The following MAGI3 variants were observed in gnomAD, a reference collection of about 807,000 sequenced individuals.
MAGI3 encodes membrane-associated guanylate kinase, WW and PDZ domain-containing protein 3.
Under a neutral mutation model 121.8 loss-of-function variants are expected in MAGI3, and 43 were observed. The observed-to-expected ratio is 0.35, with a 90% confidence interval of 0.28 to 0.46. The LOEUF is 0.46. Among genes scored for constraint, MAGI3 ranks in the 20% least tolerant of loss-of-function variants. The probability of loss-of-function intolerance (pLI) is 1.00; values close to 1 mark genes in which losing one functional copy is unlikely to be tolerated. For synonymous variants in MAGI3, 553 were observed against 639.3 expected, an observed-to-expected ratio of 0.86 and a Z score of 2.04; for missense variants, 1,547 against 1,797.3, an observed-to-expected ratio of 0.86 and a Z score of 2.52.
intron 1 of MAGI3, among the ~76,000 whole-genome samples, chr1:113,533,214 A>C (rs1658808264): frequency 6.6e-6 from 1 of 152,246 alleles, no homozygotes; most frequent in South Asian, 2.1e-4. Flanking sequence ...AAAAAATAAA[A>C]GAAAATGTGG....
At chr1:113,443,308 A>G (rs555761923) in intron 1 of MAGI3, among the ~76,000 whole-genome samples, 2 of 152,310 alleles carry the variant, frequency 1.3e-5, no homozygotes, top group East Asian at 3.9e-4. Context: ...AATGCACAGA[A>G]TATAGTAATG....
chr1:113,441,829 A>G (rs1405204966), intron 1 of MAGI3, among the ~76,000 whole-genome samples: 4 of 152,290 alleles, frequency 2.6e-5, no homozygotes, highest in South Asian at 4.1e-4. Context: ...GTTCTTTCCT[A>G]TGAGTACTTC....
Position 113,683,549 on chromosome 1 carries a change from C to G in MAGI3, c.3981C>G (p.Ile1327Met). The G allele has an allele frequency of 6.2e-7, 1 of 1,613,738 alleles. No homozygotes were observed. The highest frequency in any genetic ancestry group is 8.5e-7 in the Non-Finnish European group (1 of 1,179,860). ...AGYTGSNAEQ[I>M]PDGKEKSDVI... is the part of the protein sequence containing the mutation. Reference sequence around the variant, plus strand: ...ATACGGGCAGTAATGCTGAGCAGATCCCAGATGGGAAGGAAAAATCAGACG... The same window carrying G: ...ATACGGGCAGTAATGCTGAGCAGATGCCAGATGGGAAGGAAAAATCAGACG... The change falls in exon 21 of 21, where the codon ATC becomes ATG. Residue 1327 changes from isoleucine to methionine, a missense_variant. By Grantham distance (10) the Ile-to-Met change is conservative. Transcript: ENST00000307546.
At chr1:113,595,878 A>G (rs907644241) in intron 6 of MAGI3, among the ~76,000 whole-genome samples, 6 of 152,124 alleles carry the variant, frequency 3.9e-5, no homozygotes, top group African/African-American at 1.2e-4. Context: ...TAAAAGTACA[A>G]AAACTCACTG....
At chr1:113,512,515 T>C (rs562887348) in intron 1 of MAGI3, among the ~76,000 whole-genome samples, 1 of 152,356 alleles carries the variant, frequency 6.6e-6, no homozygotes, top group African/African-American at 2.4e-5. Context: ...AATAAAAATA[T>C]GTTTTTGGGC....
At chr1:113,536,628 CTT>C (rs766559948) in intron 1 of MAGI3, among the ~76,000 whole-genome samples, 1 of 145,744 alleles carries the variant, frequency 6.9e-6, no homozygotes. Flanking sequence ...TTACTTTTTT[CTT>C]TTTTTTTTTA....
chr1:113,578,113 T>C (rs906401396), intron 2 of MAGI3, among the ~76,000 whole-genome samples: 12 of 152,192 alleles, frequency 7.9e-5, no homozygotes, highest in African/African-American at 2.9e-4. Context: ...GCCTCATTCA[T>C]GTGTCTGGGG....
intron 2 of MAGI3, among the ~76,000 whole-genome samples, chr1:113,563,014 T>C (rs1660301235): frequency 6.6e-6 from 1 of 152,146 alleles, no homozygotes; most frequent in South Asian, 2.1e-4. Context: ...GATAAAAATA[T>C]TAAAAGAAAA....
chr1:113,611,587 T>A (rs1054424330), intron 6 of MAGI3, among the ~76,000 whole-genome samples: 1 of 152,198 alleles, frequency 6.6e-6, no homozygotes, highest in African/African-American at 2.4e-5. Context: ...TCACAAGTTC[T>A]TATGCAGTCT....
intron 1 of MAGI3, among the ~76,000 whole-genome samples, chr1:113,504,687 A>G (rs553085183): frequency 1.3e-5 from 2 of 152,110 alleles, no homozygotes; most frequent in Non-Finnish European, 2.9e-5. Flanking sequence ...CACATACTCT[A>G]TGCTCCAGTA....
Position 113,420,919 on chromosome 1 carries a change from A to C in MAGI3, c.316+29570A>C, listed in dbSNP as rs546806566. ...AGTGAATATTGCATTGGGAGAGCTG[A>C]AAAAGTTTATGTACTTTCAGACATC... On this transcript the variant is annotated intron_variant, in intron 1 of 20. Coordinates refer to ENST00000307546, the MANE Select transcript of MAGI3 (RefSeq NM_001142782.2). Among the ~76,000 whole-genome samples, 7 of 152,316 alleles carry C rather than the reference A, an allele frequency of 4.6e-5. No individual in the cohort carries two copies. The South Asian group carries it at 1.5e-3, about 32-fold the overall frequency.
chr1:113,585,137 T>C (rs1334259980), intron 3 of MAGI3, among the ~76,000 whole-genome samples: 1 of 151,840 alleles, frequency 6.6e-6, no homozygotes, highest in African/African-American at 2.4e-5. Context: ...CCTGGCTAAT[T>C]TTTGTGTTTT....
chr1:113,482,626 T>C (rs913924460), intron 1 of MAGI3, among the ~76,000 whole-genome samples: 1 of 147,798 alleles, frequency 6.8e-6, no homozygotes, highest in Admixed American at 6.8e-5. Context: ...TGTGAGCCAC[T>C]GCACCAGACC....
At chr1:113,589,241 T>G (rs1214712999) in intron 4 of MAGI3, among the ~76,000 whole-genome samples, 1 of 152,060 alleles carries the variant, frequency 6.6e-6, no homozygotes, top group African/African-American at 2.4e-5. Flanking sequence ...GTGGATGGTT[T>G]AAGGAGAAAG....
At chr1:113,603,782 AAAAT>A (rs919433621) in intron 6 of MAGI3, among the ~76,000 whole-genome samples, 6 of 152,216 alleles carry the variant, frequency 3.9e-5, no homozygotes, top group Non-Finnish European at 8.8e-5. Flanking sequence ...ACAAGTCAGA[AAAAT>A]AAATAAATAA....
intron 3 of MAGI3, among the ~76,000 whole-genome samples, chr1:113,584,839 T>C (rs1341951206): frequency 6.6e-6 from 1 of 152,132 alleles, no homozygotes; most frequent in Non-Finnish European, 1.5e-5. Flanking sequence ...CAAATAGTAT[T>C]AAGATATTAG....
intron 9 of MAGI3, among the ~76,000 whole-genome samples, chr1:113,631,673 T>C (rs1651643779): frequency 6.6e-6 from 1 of 152,196 alleles, no homozygotes; most frequent in Non-Finnish European, 1.5e-5. Context: ...AAAGGTCCTG[T>C]GTGGTGTTTA....
In MAGI3 at chr1:113,671,796, C is replaced by G; in HGVS notation, c.2878C>G (p.Pro960Ala). Residue 960 changes from proline to alanine, a missense_variant, in exon 17 of 21, where the codon CCC becomes GCC. By Grantham distance (27) the Pro-to-Ala change is conservative. Coordinates refer to ENST00000307546, the MANE Select transcript of MAGI3 (RefSeq NM_001142782.2). Reference protein sequence around the residue: ...ARQSPALQHRPMGQSQANHIP... With the variant: ...ARQSPALQHRAMGQSQANHIP... ...GCAAAGCCCAGCCCTGCAGCACAGG[C>G]CCATGGGACAGTCACAGGCCAACCA... The G allele has an allele frequency of 1.2e-6, 2 of 1,614,232 alleles. No individual in the cohort carries two copies. Among genetic ancestry groups the G allele is most frequent in the Non-Finnish European group, 1.7e-6 (2 of 1,180,034 alleles).
At chr1:113,594,587 A>G (rs759248802) in intron 6 of MAGI3, 27 bp downstream of exon 6, 1 of 1,562,908 alleles carries the variant, frequency 6.4e-7, no homozygotes, top group Non-Finnish European at 8.8e-7. Flanking sequence ...TTACTCTATC[A>G]TACTTATTCT....
Sources: gnomAD v4.1 joint callset for allele counts (sites outside exome capture counted in the v4.1 genomes callset) on GRCh38, gnomAD v4.1.1 for gene constraint, MANE v1.5 for transcripts, NCBI Gene and HGNC (gene_info 2026-07-23, HGNC 2026-07-21) for gene names.